The following ANK3 variants were observed in gnomAD, a reference collection of about 807,000 sequenced individuals.
ANK3 encodes ankyrin 3.
Under a neutral mutation model 370.9 loss-of-function variants are expected in ANK3, and 57 were observed. The observed-to-expected ratio is 0.15, with a 90% CI of 0.12 to 0.19. The LOEUF (loss-of-function observed/expected upper bound fraction) is 0.19. Among genes scored for constraint, ANK3 ranks in the 10% least tolerant of loss-of-function variants. The pLI is 1.00. For missense variants in ANK3, 4,439 were observed against 5,302.1 expected, an observed-to-expected ratio of 0.84 and a Z score of 5.06; for synonymous variants, 1,929 against 1,946.3, an observed-to-expected ratio of 0.99 and a Z score of 0.23.
intron 2 of ANK3, among the ~76,000 whole-genome samples, chr10:60,470,469 T>G (rs1189209196): frequency 1.3e-5 from 2 of 152,016 alleles, no homozygotes. Flanking sequence ...TTATACTCTT[T>G]TTTTGAAACA....
At chr10:60,412,629 T>TA (rs765709279) in intron 2 of ANK3, among the ~76,000 whole-genome samples, 11 of 152,204 alleles carry the variant, frequency 7.2e-5, no homozygotes, top group East Asian at 1.9e-4. Flanking sequence ...GTGTGAGTGT[T>TA]AAAAAATCTC....
At chr10:60,306,588 C>G (rs534228221) in intron 1 of ANK3, among the ~76,000 whole-genome samples, 1 of 151,952 alleles carries the variant, frequency 6.6e-6, no homozygotes, top group South Asian at 2.1e-4. Context: ...GGGTAGATAC[C>G]CAGTAGTGGG....
At chr10:60,572,752 T>G in intron 2 of ANK3, 8 of 1,314,702 alleles carry the variant, frequency 6.1e-6, no homozygotes, top group Non-Finnish European at 7.7e-6. Flanking sequence ...GTGTTCTCTA[T>G]ATCAAACAGT....
chr10:60,437,820 A>G (rs998368282), intron 2 of ANK3, among the ~76,000 whole-genome samples: 2 of 152,200 alleles, frequency 1.3e-5, no homozygotes, highest in African/African-American at 4.8e-5. Context: ...CAGACTTAAA[A>G]GGATTAAGCA....
chr10:60,493,095 A>G (rs949698225), intron 2 of ANK3, among the ~76,000 whole-genome samples: 11 of 148,910 alleles, frequency 7.4e-5, no homozygotes, highest in Admixed American at 3.4e-4. Context: ...AAAAAAAAAA[A>G]AAAGAAAAGA....
chr10:60,290,102 A>C (rs191316076), intron 1 of ANK3, among the ~76,000 whole-genome samples: 1 of 152,326 alleles, frequency 6.6e-6, no homozygotes, highest in Non-Finnish European at 1.5e-5. Flanking sequence ...GATATCTTGC[A>C]CAGTGATCTA....
chr10:60,303,644 T>C (rs1191451378), intron 1 of ANK3, among the ~76,000 whole-genome samples: 2 of 152,174 alleles, frequency 1.3e-5, no homozygotes, highest in Admixed American at 1.3e-4. Flanking sequence ...TTGATTGGAA[T>C]GTAAATTGGT....
intron 17 of ANK3, among the ~76,000 whole-genome samples, chr10:60,184,130 GT>G (rs2096268088): frequency 6.6e-6 from 1 of 152,130 alleles, no homozygotes; most frequent in South Asian, 2.1e-4. Context: ...ACAATAAAGT[GT>G]TTAGTTCAAC....
At chr10:60,728,448 G>A (rs2079973747) in intron 1 of ANK3, among the ~76,000 whole-genome samples, 1 of 140,150 alleles carries the variant, frequency 7.1e-6, no homozygotes, top group East Asian at 2.4e-4. Flanking sequence ...AACAATAAAT[G>A]TAAAAGTTCC....
intron 1 of ANK3, among the ~76,000 whole-genome samples, chr10:60,624,698 C>G (rs1183910259): frequency 6.9e-6 from 1 of 144,124 alleles, no homozygotes; most frequent in Non-Finnish European, 1.5e-5. Context: ...CCCTCCGCAA[C>G]AGTGCATGAG....
intron 42 of ANK3, among the ~76,000 whole-genome samples, chr10:60,050,516 G>C (rs1048341704): frequency 6.6e-6 from 1 of 152,148 alleles, no homozygotes; most frequent in Non-Finnish European, 1.5e-5. Context: ...TTTGATAAAT[G>C]GTTTTCAATA....
chr10:60,125,525 C>T (rs2093711609), intron 25 of ANK3, among the ~76,000 whole-genome samples: 1 of 152,184 alleles, frequency 6.6e-6, no homozygotes, highest in African/African-American at 2.4e-5. Context: ...TAAATGTCAC[C>T]AGTCAAAGAT....
At chr10:60,303,094 C>G (rs747772248) in intron 1 of ANK3, among the ~76,000 whole-genome samples, 1 of 152,078 alleles carries the variant, frequency 6.6e-6, no homozygotes, top group Non-Finnish European at 1.5e-5. Flanking sequence ...AGACCCCAAA[C>G]CATGAAACTA....
intron 38 of ANK3, among the ~76,000 whole-genome samples, chr10:60,067,058 G>A (rs966969065): frequency 6.6e-6 from 1 of 151,980 alleles, no homozygotes; most frequent in Admixed American, 6.6e-5. Flanking sequence ...TAGCCAGGAC[G>A]ACAGGCATGC....
chr10:60,247,205 G>T (rs2097569227), intron 7 of ANK3, among the ~76,000 whole-genome samples: 1 of 152,000 alleles, frequency 6.6e-6, no homozygotes, highest in African/African-American at 2.4e-5. Flanking sequence ...TTTTAGTGGA[G>T]ACGGGGTTTC....
intron 2 of ANK3, among the ~76,000 whole-genome samples, chr10:60,498,648 C>G (rs2075719874): frequency 6.6e-6 from 1 of 152,310 alleles, no homozygotes; most frequent in South Asian, 2.1e-4. Flanking sequence ...ATCTTGGCCT[C>G]CCAAAGTGCT....
chr10:60,383,671 T>G (rs1379410106), intron 1 of ANK3, among the ~76,000 whole-genome samples: 4 of 152,062 alleles, frequency 2.6e-5, no homozygotes, highest in Non-Finnish European at 5.9e-5. Context: ...TAATTGACCA[T>G]GCTCCCTGGA....
At chr10:60,595,642 CTAATTTGT>C (rs753411549) in intron 2 of ANK3, among the ~76,000 whole-genome samples, 75 of 152,222 alleles carry the variant, frequency 4.9e-4, no homozygotes, top group Middle Eastern at 6.8e-3. Context: ...AATCCTGTGG[CTAATTTGT>C]TAGTTTTTAA....
At chr10:60,730,156 T>C (rs2080000470) in intron 1 of ANK3, among the ~76,000 whole-genome samples, 1 of 152,072 alleles carries the variant, frequency 6.6e-6, no homozygotes, top group Admixed American at 6.5e-5. Flanking sequence ...AAGATTTTTG[T>C]TTTTGAGACA....
Sources: allele counts gnomAD v4.1 joint callset (sites outside exome capture counted in the v4.1 genomes callset), GRCh38; gene constraint gnomAD v4.1.1; transcripts MANE v1.5; gene names NCBI Gene and HGNC (gene_info 2026-07-23, HGNC 2026-07-21).